PLA2R1: variants seen among roughly 807,000 people sequenced by gnomAD.
PLA2R1 encodes secretory phospholipase A2 receptor.
A neutral mutation model predicts 195.9 loss-of-function variants in PLA2R1; 158 were observed. The observed-to-expected ratio is 0.81, with a 90% CI of 0.71 to 0.92. The LOEUF (loss-of-function observed/expected upper bound fraction) is 0.92, where lower values mean the gene tolerates loss of function less well. PLA2R1 is among the 40% of genes least tolerant of loss of function. PLA2R1 has a pLI of 0.00. For synonymous variants in PLA2R1, 586 were observed against 598.2 expected (o/e 0.98, Z 0.30); for missense variants, 1,626 against 1,764.6 (o/e 0.92, Z 1.41).
At chr2:159,963,056 G>C (rs1688559609) in intron 20 of PLA2R1, among the ~76,000 whole-genome samples, 1 of 152,082 alleles carries the variant, frequency 6.6e-6, no homozygotes, top group African/African-American at 2.4e-5. Context: ...TTACACATGA[G>C]AGGAGGCATG....
chr2:160,024,815 G>A (rs1693392631), intron 6 of PLA2R1, among the ~76,000 whole-genome samples: 1 of 152,166 alleles, frequency 6.6e-6, no homozygotes, highest in Non-Finnish European at 1.5e-5. Context: ...AGCCTGAACT[G>A]CTGAGGCACC....
At chr2:159,950,907 G>C (rs544697576) in intron 24 of PLA2R1, among the ~76,000 whole-genome samples, 94 of 152,234 alleles carry the variant, frequency 6.2e-4, no homozygotes, top group Non-Finnish European at 1.1e-3. Flanking sequence ...AAAACCTCAA[G>C]TGCTTAATTA....
chr2:159,995,766 CAG>C (rs1312771471), intron 11 of PLA2R1, among the ~76,000 whole-genome samples: 16 of 151,816 alleles, frequency 1.1e-4, no homozygotes, highest in Middle Eastern at 3.4e-3. Flanking sequence ...AATTTAGTAA[CAG>C]AGAGTTTTAG....
the PLA2R1 span, among the ~76,000 whole-genome samples, chr2:159,924,992 A>G: frequency 6.6e-6 from 1 of 152,290 alleles, no homozygotes; most frequent in South Asian, 2.1e-4. Flanking sequence ...GACTTGGGCA[A>G]TACGATGTGG....
intron 10 of PLA2R1, among the ~76,000 whole-genome samples, chr2:160,006,853 G>A (rs900352930): frequency 6.6e-6 from 1 of 152,062 alleles, no homozygotes; most frequent in Non-Finnish European, 1.5e-5. Flanking sequence ...AACTTGCTAA[G>A]GGAAGCAAAA....
At chr2:159,991,733 G>A (rs750638102) in intron 11 of PLA2R1, among the ~76,000 whole-genome samples, 13 of 142,426 alleles carry the variant, frequency 9.1e-5, no homozygotes, top group African/African-American at 2.9e-4. Flanking sequence ...TTGTTCTTGC[G>A]ATAGTTTACT....
chr2:159,925,532 A>G, the PLA2R1 span, among the ~76,000 whole-genome samples: 4 of 145,498 alleles, frequency 2.7e-5, no homozygotes, highest in Admixed American at 1.4e-4. Flanking sequence ...CATAATAAAA[A>G]CTTTCTTTTA....
In PLA2R1 at chr2:160,062,396, A is replaced by T; in HGVS notation, c.8T>A (p.Leu3Gln). The T allele has an allele frequency of 6.5e-7, 1 of 1,541,020 alleles. No homozygotes were observed. Residue 3 changes from leucine (L) to glutamine (Q), a missense_variant, in exon 1 of 30, where the codon CTG becomes CAG. Coordinates refer to ENST00000283243, the MANE Select transcript of PLA2R1 (RefSeq NM_007366.5). ...CAGCAGCAGCAGCAGCGACGGCGACAGCAGCATCGCTAACCACTGGGCTCT... is the reference window on the plus strand; with the variant it reads ...CAGCAGCAGCAGCAGCGACGGCGACTGCAGCATCGCTAACCACTGGGCTCT... ML[L>Q]SPSLLLLLLL...
intron 4 of PLA2R1, among the ~76,000 whole-genome samples, chr2:160,030,878 T>G (rs1287303723): frequency 6.6e-6 from 1 of 152,190 alleles, no homozygotes; most frequent in Non-Finnish European, 1.5e-5. Context: ...TAAATCAAAG[T>G]CCCTGACATG....
Position 159,956,563 on chromosome 2 carries a change from A to G in PLA2R1, c.2969T>C (p.Phe990Ser). 6.2e-7 allele frequency: 1 copy of G among 1,613,922 alleles called. No individual in the cohort carries two copies. The highest frequency in any genetic ancestry group is 8.5e-7 in the Non-Finnish European group (1 of 1,179,826). ...SWKNWTHAQHFCAEEGGTLVA... is the reference protein window; with the variant it reads ...SWKNWTHAQHSCAEEGGTLVA... ...CAGGGTCCCCCCTTCTTCAGCACAG[A>G]AATGTTGAGCATGCGTCCAGTTCTT... Residue 990 changes from phenylalanine (F) to serine (S), a missense_variant, in exon 21 of 30, where the codon TTC becomes TCC. Physicochemically the swap from Phe to Ser is radical, Grantham distance 155. Transcript: ENST00000283243.
At chr2:159,964,200 G>A (rs1456452825) in intron 20 of PLA2R1, among the ~76,000 whole-genome samples, 1 of 152,188 alleles carries the variant, frequency 6.6e-6, no homozygotes, top group African/African-American at 2.4e-5. Flanking sequence ...CACATTCACA[G>A]GGATAGAGAA....
chr2:159,935,900 T>C lies in PLA2R1; in HGVS notation c.*5878A>G, dbSNP rs867621774. On this transcript the variant is annotated 3_prime_UTR_variant, in exon 30 of 30. Coordinates refer to ENST00000283243, the MANE Select transcript of PLA2R1 (RefSeq NM_007366.5). ...TTTAATTTGTGAAATATTTTATTCA[T>C]TACCTTGTCATATTTTCCTGCAGTA... The C allele has an allele frequency of 1.3e-5, 2 of 152,120 alleles. No homozygotes were observed. The highest frequency in any genetic ancestry group is 4.1e-4 in the South Asian group (2 of 4,822). 9.4% of individuals were successfully genotyped at this position (152,120 alleles called of 1,614,324 possible). A position where few individuals can be genotyped will look rare whatever the true frequency, so the allele number is the denominator to read the frequency against.
At chr2:159,950,730 G>A (rs964120839) in intron 24 of PLA2R1, among the ~76,000 whole-genome samples, 1 of 152,172 alleles carries the variant, frequency 6.6e-6, no homozygotes, top group Non-Finnish European at 1.5e-5. Flanking sequence ...TGTATACATG[G>A]AAAATTTCTA....
intron 14 of PLA2R1, 116 bp from the exon 15 acceptor site, chr2:159,977,532 A>G: frequency 1.4e-6 from 1 of 691,584 alleles, no homozygotes; most frequent in South Asian, 2.7e-5. Context: ...AGCTTCAGAA[A>G]TGTCTGGATG....
At chr2:160,016,485 G>GGAGA in intron 9 of PLA2R1, 129 bp downstream of exon 9, 1 of 621,100 alleles carries the variant, frequency 1.6e-6, no homozygotes, top group Non-Finnish European at 2.9e-6. Flanking sequence ...GGGGGTGCGA[G>GGAGA]GAGAGAGAGA....
chr2:160,013,751 G>GTC lies in PLA2R1; in HGVS notation c.1552-378_1552-377dup, dbSNP rs67826871. ...TGTGTGTGTGTGTGTGTGTGTGTGT[G>GTC]TCTCTCTCTCTCTGACTTACAGAAT... On this transcript the variant is annotated intron_variant, in intron 9 of 29. Coordinates refer to ENST00000283243, the MANE Select transcript of PLA2R1 (RefSeq NM_007366.5). 6.5e-3 allele frequency among the ~76,000 whole-genome samples: 848 copies of GTC among 129,634 alleles called. 10 individuals carry two copies. The highest frequency in any genetic ancestry group is 0.047 in the East Asian group (185 of 3,974). The allele number at this position is 129,634 out of a possible 152,430, so 85.0% of individuals were successfully genotyped here. A position where few individuals can be genotyped will look rare whatever the true frequency, so the allele number is the denominator to read the frequency against.
Position 160,016,460 on chromosome 2 carries a change from G to A in PLA2R1, c.1551+154C>T, listed in dbSNP as rs2715940. 8.2e-3 allele frequency among the ~76,000 whole-genome samples: 899 copies of A among 109,292 alleles called. 19 individuals carry two copies. The highest frequency in any genetic ancestry group is 0.026 in the African/African-American group (851 of 32,392). 71.7% of individuals were successfully genotyped at this position (109,292 alleles called of 152,430 possible). On this transcript the variant is annotated intron_variant, in intron 9 of 29. Coordinates refer to ENST00000283243, the MANE Select transcript of PLA2R1 (RefSeq NM_007366.5). ...TTTCTCAGGACAGGAAAAAAAAGAG[G>A]AAAGGAAAGAAGGGGGGGGTGCGAG... is the stretch of plus-strand genomic sequence containing the variant.
At chr2:159,925,862 GTC>G in the PLA2R1 span, among the ~76,000 whole-genome samples, 1 of 152,138 alleles carries the variant, frequency 6.6e-6, no homozygotes, top group South Asian at 2.1e-4. Flanking sequence ...TTTAGTGCTT[GTC>G]TCTCCCTTGG....
In PLA2R1 at chr2:159,949,779, G is replaced by T; in HGVS notation, c.3541-3C>A. On this transcript the variant is annotated splice_region_variant and splice_polypyrimidine_tract_variant and intron_variant, in intron 24 of 29. Transcript: ENST00000283243. ...GACCAGTCAAAATTAAGACCATTCT[G>T]TGGAGGAAAACTGAGCCATCATTTC... 2 of 1,612,402 alleles carry T rather than the reference G, an allele frequency of 1.2e-6. No individual in the cohort carries two copies. The highest frequency in any genetic ancestry group is 2.7e-5 in the African/African-American group (2 of 74,990).
Sources: allele counts gnomAD v4.1 joint callset (sites outside exome capture counted in the v4.1 genomes callset), GRCh38; gene constraint gnomAD v4.1.1; transcripts MANE v1.5; gene names NCBI Gene and HGNC (gene_info 2026-07-23, HGNC 2026-07-21).